ZNF30: variants seen among roughly 807,000 people sequenced by gnomAD.
ZNF30 encodes the protein zinc finger protein 30 (KOX 28).
Under a neutral mutation model 13.2 loss-of-function variants are expected in ZNF30, and 15 were observed. The ratio of observed to expected loss-of-function variants is 1.13; its 90% CI spans 0.76 to 1.75. The LOEUF is 1.75. Ranked by LOEUF, ZNF30 falls within the 40% of genes most tolerant of loss-of-function variation. The pLI is 0.00. For missense variants in ZNF30, 726 were observed against 757.0 expected, an observed-to-expected ratio of 0.96 and a Z score of 0.48; for synonymous variants, 223 against 256.6, an observed-to-expected ratio of 0.87 and a Z score of 1.25.
chr19:34,939,871 C>G (rs1444898315), intron 4 of ZNF30, among the ~76,000 whole-genome samples: 4 of 152,006 alleles, frequency 2.6e-5, no homozygotes, highest in Admixed American at 6.6e-5. Context: ...GAAAAATGTT[C>G]CCAGGAAATT....
At position 34,944,671 on chromosome 19, in the gene ZNF30, G is replaced by A. The variant is rs755626847; in HGVS notation, c.1705G>A (p.Glu569Lys). ...TGTTCACACTGGTGAGAAACCTTTT[G>A]AATGTAAGGAATGCGGGAAGGCCTT... Reference protein sequence around the residue: ...QSVHTGEKPFECKECGKAFRL... With the variant: ...QSVHTGEKPFKCKECGKAFRL... The change falls in exon 5 of 5, where the codon GAA becomes AAA. Residue 569 changes from glutamate to lysine, a missense_variant. Physicochemically the swap from Glu to Lys is moderately conservative, Grantham distance 56 (BLOSUM62 1). Transcript: ENST00000601142. 6.2e-7 allele frequency: 1 copy of A among 1,612,576 alleles called. No individual in the cohort carries two copies. The highest frequency in any genetic ancestry group is 1.7e-4 in the Middle Eastern group (1 of 6,056).
chr19:34,924,290 AC>A (rs1274599154), upstream of ZNF30, among the ~76,000 whole-genome samples: 1 of 151,980 alleles, frequency 6.6e-6, no homozygotes, highest in Non-Finnish European at 1.5e-5. Flanking sequence ...CAAAAAAAAA[AC>A]CCTATGATTT....
chr19:34,941,562 G>T (rs2013052140), intron 4 of ZNF30, among the ~76,000 whole-genome samples: 1 of 152,026 alleles, frequency 6.6e-6, no homozygotes. Flanking sequence ...CACCCAGCCT[G>T]ACTGAAGTTT....
Position 34,945,034 on chromosome 19 carries a change from T to C in ZNF30, c.*196T>C, listed in dbSNP as rs571781321. 4.1e-5 allele frequency: 22 copies of C among 542,648 alleles called. No individual in the cohort carries two copies. Among genetic ancestry groups the C allele is most frequent in the African/African-American group, 3.9e-4 (21 of 53,248 alleles). The allele number at this position is 542,648 out of a possible 1,614,324, so 33.6% of individuals were successfully genotyped here. On this transcript the variant is annotated 3_prime_UTR_variant, in exon 5 of 5. Transcript: ENST00000601142. Reference sequence around the variant, plus strand: ...AGGTTTGTAATACCAATATTTATACTGGTGGACCATTCAGAAAAAGTGGGA... The same window carrying C: ...AGGTTTGTAATACCAATATTTATACCGGTGGACCATTCAGAAAAAGTGGGA...
intron 4 of ZNF30, among the ~76,000 whole-genome samples, chr19:34,936,874 C>T (rs1176570165): frequency 6.6e-6 from 1 of 151,972 alleles, no homozygotes; most frequent in Admixed American, 6.6e-5. Context: ...CTAGCCTGGG[C>T]AACAGAGAAA....
chr19:34,928,240 T>TATATATATAG (rs2012215391), intron 1 of ZNF30, among the ~76,000 whole-genome samples: 2 of 108,832 alleles, frequency 1.8e-5, no homozygotes, highest in East Asian at 4.8e-4. Flanking sequence ...TATATATATA[T>TATATATATAG]ATATATATAT....
chr19:34,942,420 C>T (rs1263118251), intron 4 of ZNF30, among the ~76,000 whole-genome samples: 2 of 148,388 alleles, frequency 1.3e-5, no homozygotes, highest in East Asian at 2.0e-4. Context: ...GCACTCCAGC[C>T]GGGGCAAGAG....
intron 3 of ZNF30, among the ~76,000 whole-genome samples, chr19:34,932,737 C>T (rs1005030749): frequency 1.3e-5 from 2 of 151,492 alleles, no homozygotes; most frequent in South Asian, 2.1e-4. Flanking sequence ...AACCCAGGCA[C>T]TTAGGTTCCA....
At position 34,944,585 on chromosome 19, in the gene ZNF30, A is replaced by C. The variant is rs370027786; in HGVS notation, c.1619A>C (p.Tyr540Ser). The change falls in exon 5 of 5, where the codon TAT (tyrosine) becomes TCT (serine). Residue 540 changes from tyrosine (Y) to serine (S), a missense_variant. By Grantham distance (144) the Tyr-to-Ser change is moderately radical. Transcript: ENST00000601142. ...AGAATTCATACTGGGGAGAAACCCT[A>C]TGAATGTAACAAATGTGGGAAAGCC... ...HQRIHTGEKP[Y>S]ECNKCGKAFT... 6.2e-7 allele frequency: 1 copy of C among 1,614,156 alleles called. No homozygotes were observed. Among genetic ancestry groups the C allele is most frequent in the South Asian group, 1.1e-5 (1 of 91,080 alleles).
Position 34,944,733 on chromosome 19 carries a change from A to G in ZNF30, c.1767A>G (p.Val589=). 1 of 1,614,010 alleles carries G rather than the reference A, an allele frequency of 6.2e-7. No individual in the cohort carries two copies. The highest frequency in any genetic ancestry group is 1.3e-5 in the African/African-American group (1 of 75,054). The change falls in exon 5 of 5, where the codon GTA becomes GTG. Residue 589 remains valine (V), a synonymous_variant. Transcript: ENST00000601142. ...CATTCCTTACTGAACATCAGCGGGT[A>G]CACACTGGTGAGAAACCCTTTAAAT... ...LNSFLTEHQR[V]HTGEKPFKCK...
rs1294762720 is a variant in ZNF30, at chr19:34,944,704, A to C, written c.1738A>C (p.Asn580His). ...CKECGKAFRLNSFLTEHQRVH... is the reference protein window; with the variant it reads ...CKECGKAFRLHSFLTEHQRVH... The stretch of plus-strand genomic sequence containing the variant: ...GGAATGCGGGAAGGCCTTTAGACTT[A>C]ATTCATTCCTTACTGAACATCAGCG... The change falls in exon 5 of 5, where the codon AAT (asparagine) becomes CAT (histidine). Residue 580 changes from asparagine (N) to histidine (H), a missense_variant. Coordinates refer to ENST00000601142, the MANE Select transcript of ZNF30 (RefSeq NM_194325.3). 1.2e-6 allele frequency: 2 copies of C among 1,612,588 alleles called. No homozygotes were observed. Among genetic ancestry groups the C allele is most frequent in the Non-Finnish European group, 1.7e-6 (2 of 1,178,836 alleles).
intron 1 of ZNF30, among the ~76,000 whole-genome samples, chr19:34,928,244 T>TAG (rs71165692): frequency 2.2e-4 from 12 of 54,352 alleles, no homozygotes; most frequent in African/African-American, 1.3e-3. Context: ...TATATATATA[T>TAG]ATATATATAT....
At chr19:34,934,851 A>G (rs2012638584) in intron 4 of ZNF30, among the ~76,000 whole-genome samples, 1 of 152,198 alleles carries the variant, frequency 6.6e-6, no homozygotes, top group Non-Finnish European at 1.5e-5. Flanking sequence ...TGATGGGTGC[A>G]GCAAACAACC....
At position 34,943,545 on chromosome 19, in the gene ZNF30, G is replaced by A. The variant is rs2013157434; in HGVS notation, c.579G>A (p.Lys193=). ...TTATCAGTGGCTCAGCCTTTGTTAA[G>A]CATGGGAGAATTCACACTGGTGAGA... is the stretch of plus-strand genomic sequence containing the variant. ...KAFISGSAFV[K]HGRIHTGEKP... Residue 193 remains lysine, a synonymous_variant, in exon 5 of 5, where the codon AAG becomes AAA. Coordinates refer to ENST00000601142, the MANE Select transcript of ZNF30 (RefSeq NM_194325.3). 3 of 1,613,524 alleles carry A rather than the reference G, an allele frequency of 1.9e-6. No individual in the cohort carries two copies. The highest frequency in any genetic ancestry group is 2.5e-6 in the Non-Finnish European group (3 of 1,179,730).
At chr19:34,926,833 C>T (rs1487916989), upstream of ZNF30, 1 of 396,572 alleles carries the variant, frequency 2.5e-6, no homozygotes, top group Non-Finnish European at 4.4e-6. Context: ...CCCAGCAACT[C>T]GAGCGCCTGC....
intron 4 of ZNF30, among the ~76,000 whole-genome samples, chr19:34,939,133 TCCCCTC>T (rs2012895657): frequency 8.7e-5 from 3 of 34,574 alleles, no homozygotes; most frequent in African/African-American, 2.9e-4. Context: ...TCCCCTCCCC[TCCCCTC>T]CCCTCCCCTC....
Position 34,933,666 on chromosome 19 carries a change from G to A in ZNF30, c.199G>A (p.Glu67Lys), listed in dbSNP as rs149521067. The change falls in exon 4 of 5, where the codon GAA becomes AAA. Residue 67 changes from glutamate (E) to lysine (K), a missense_variant. Physicochemically the swap from Glu to Lys is moderately conservative, Grantham distance 56. Coordinates refer to ENST00000601142, the MANE Select transcript of ZNF30 (RefSeq NM_194325.3). The stretch of plus-strand genomic sequence containing the variant: ...TAAACCACATGTGATCGCCTTATTG[G>A]AACAATGGAAAGAGCCTGAAGTGAC... ...RSKPHVIALL[E>K]QWKEPEVTVR... 9.1e-4 allele frequency: 1,461 copies of A among 1,601,608 alleles called. 10 individuals carry two copies. The African/African-American group carries it at 0.016, about 17-fold the overall frequency.
intron 4 of ZNF30, 63 bp from the exon 5 acceptor site, chr19:34,943,160 C>G: frequency 1.6e-6 from 2 of 1,256,576 alleles, no homozygotes; most frequent in Non-Finnish European, 2.1e-6. Flanking sequence ...CAGTTTTTCT[C>G]TTTTCTTCCC....
upstream of ZNF30, among the ~76,000 whole-genome samples, chr19:34,924,112 A>T: frequency 6.6e-6 from 1 of 152,064 alleles, no homozygotes; most frequent in Non-Finnish European, 1.5e-5. Flanking sequence ...TCTCCAATTT[A>T]CCTCTGACGA....
Sources: gnomAD v4.1 joint callset for allele counts (sites outside exome capture counted in the v4.1 genomes callset) on GRCh38, gnomAD v4.1.1 for gene constraint, MANE v1.5 for transcripts, NCBI Gene and HGNC (gene_info 2026-07-23, HGNC 2026-07-21) for gene names.